Variants in ATXN7L1 observed in about 807,000 individuals in gnomAD.
ATXN7L1 encodes ataxin 7 like 1, also known as ataxin-7-like protein 1.
Under a neutral mutation model 70.8 loss-of-function variants are expected in ATXN7L1, and 15 were observed. That is an observed-to-expected ratio of 0.21 (90% CI 0.14 to 0.33). The LOEUF (loss-of-function observed/expected upper bound fraction) is 0.33, where lower values mean the gene tolerates loss of function less well. Among genes scored for constraint, ATXN7L1 ranks in the 10% least tolerant of loss-of-function variants. The pLI is 1.00. For missense variants in ATXN7L1, 975 were observed against 1,097.1 expected (o/e 0.89, Z 1.57); for synonymous variants, 440 against 445.1 (o/e 0.99, Z 0.14).
intron 3 of ATXN7L1, among the ~76,000 whole-genome samples, chr7:105,709,151 G>A (rs990243576): frequency 6.6e-6 from 1 of 152,150 alleles, no homozygotes; most frequent in African/African-American, 2.4e-5. Context: ...TGGCCAACAT[G>A]GTGAAACCTT....
chr7:105,698,988 T>C (rs2116228852), intron 3 of ATXN7L1, among the ~76,000 whole-genome samples: 1 of 152,268 alleles, frequency 6.6e-6, no homozygotes, highest in South Asian at 2.1e-4. Context: ...TGCATCAAAT[T>C]TGGTGTTTCT....
chr7:105,774,654 G>A (rs952445485), intron 3 of ATXN7L1, among the ~76,000 whole-genome samples: 10 of 151,894 alleles, frequency 6.6e-5, no homozygotes, highest in South Asian at 2.1e-4. Flanking sequence ...GCCCGGCCCC[G>A]CAGCCTTCTC....
chr7:105,619,519 TATATATATATA>T (rs1361008649), intron 9 of ATXN7L1, among the ~76,000 whole-genome samples: 58 of 16,990 alleles, frequency 3.4e-3, no homozygotes, highest in Middle Eastern at 0.059. Flanking sequence ...TATATATATA[TATATATATATA>T]TTTTTTTTTT....
rs1186629488 is a variant in ATXN7L1 at position 105,624,177 on chromosome 7, G to T, written c.1293C>A (p.Asp431Glu). Residue 431 changes from aspartate (D) to glutamate (E), a missense_variant, in exon 8 of 12, where the codon GAC becomes GAA. Asp to Glu is a conservative substitution (Grantham distance 45). Coordinates refer to ENST00000419735, the MANE Select transcript of ATXN7L1 (RefSeq NM_020725.2). ...PEPPLPPVGG[D>E]LASRLSSDEG... ...CATCACTGGACAGTCGGCTGGCGAG[G>T]TCACCTCCAACCGGTGGGAGTGGGG... 6.5e-7 allele frequency: 1 copy of T among 1,532,734 alleles called. No homozygotes were observed. The highest frequency in any genetic ancestry group is 8.8e-7 in the Non-Finnish European group (1 of 1,136,540). 94.9% of individuals were successfully genotyped at this position (1,532,734 alleles called of 1,614,324 possible).
chr7:105,850,634 A>C (rs1316655450), intron 2 of ATXN7L1, among the ~76,000 whole-genome samples: 2 of 152,242 alleles, frequency 1.3e-5, no homozygotes, highest in Non-Finnish European at 2.9e-5. Context: ...CTCCTGAAGA[A>C]CGAGCACAGA....
chr7:105,638,263 T>G (rs1584448551), intron 7 of ATXN7L1, 90 bp downstream of exon 7: 1 of 1,413,588 alleles, frequency 7.1e-7, no homozygotes, highest in East Asian at 2.5e-5. Context: ...TGATTTCCAT[T>G]TAACATATAA....
intron 2 of ATXN7L1, among the ~76,000 whole-genome samples, chr7:105,856,244 G>A (rs1435714092): frequency 6.6e-6 from 1 of 152,194 alleles, no homozygotes; most frequent in African/African-American, 2.4e-5. Context: ...TTTGGCAGAA[G>A]TCAACCAAAG....
chr7:105,685,937 C>T (rs958446997), intron 3 of ATXN7L1, among the ~76,000 whole-genome samples: 1 of 152,108 alleles, frequency 6.6e-6, no homozygotes, highest in African/African-American at 2.4e-5. Flanking sequence ...CACCTGTTGG[C>T]CTTTAGAATC....
At chr7:105,688,089 C>A (rs779318819) in intron 3 of ATXN7L1, among the ~76,000 whole-genome samples, 1 of 152,144 alleles carries the variant, frequency 6.6e-6, no homozygotes, top group Non-Finnish European at 1.5e-5. Flanking sequence ...TGATTTATAG[C>A]CTTGTTGTTG....
chr7:105,713,664 C>T (rs933183444), intron 3 of ATXN7L1, among the ~76,000 whole-genome samples: 1 of 152,268 alleles, frequency 6.6e-6, no homozygotes. Flanking sequence ...AAGGTTAGGA[C>T]TCCGCAGGTT....
At chr7:105,689,619 C>T (rs370023564) in intron 3 of ATXN7L1, among the ~76,000 whole-genome samples, 2 of 152,242 alleles carry the variant, frequency 1.3e-5, no homozygotes, top group East Asian at 3.9e-4. Flanking sequence ...GAAGGTGGGC[C>T]GAAAGTCCTC....
intron 5 of ATXN7L1, 123 bp from the exon 6 acceptor site, chr7:105,639,692 G>T (rs1797892457): frequency 1.4e-6 from 1 of 727,676 alleles, no homozygotes; most frequent in Non-Finnish European, 2.2e-6. Context: ...CAGGCAATCT[G>T]TTTTTTGTTT....
intron 3 of ATXN7L1, among the ~76,000 whole-genome samples, chr7:105,755,244 C>T (rs1309097782): frequency 6.6e-6 from 1 of 152,010 alleles, no homozygotes; most frequent in East Asian, 1.9e-4. Context: ...GAAATGATAC[C>T]CCAGCTGGAG....
intron 3 of ATXN7L1, among the ~76,000 whole-genome samples, chr7:105,787,754 C>T (rs559527322): frequency 1.2e-4 from 18 of 152,204 alleles, no homozygotes; most frequent in Middle Eastern, 3.4e-3. Flanking sequence ...GAATGTACTT[C>T]GAAACCTTAA....
At chr7:105,758,897 C>T (rs539114562) in intron 3 of ATXN7L1, among the ~76,000 whole-genome samples, 4 of 152,090 alleles carry the variant, frequency 2.6e-5, no homozygotes, top group South Asian at 2.1e-4. Flanking sequence ...TTGGGAGGTA[C>T]GGGGAAGAGA....
chr7:105,862,057 AG>A (rs1457146841), intron 2 of ATXN7L1, among the ~76,000 whole-genome samples: 1 of 152,188 alleles, frequency 6.6e-6, no homozygotes, highest in African/African-American at 2.4e-5. Flanking sequence ...GAGTAACTCA[AG>A]GGAACAGAAG....
intron 3 of ATXN7L1, chr7:105,761,323 T>C (rs1296734171): frequency 6.2e-7 from 1 of 1,612,206 alleles, no homozygotes; most frequent in Non-Finnish European, 8.5e-7. Context: ...CTCCAGACAA[T>C]GCCAGTCCTC....
chr7:105,606,453 G>C lies in ATXN7L1; in HGVS notation c.*1399C>G, dbSNP rs931153250. 1.3e-5 allele frequency: 2 copies of C among 152,196 alleles called. No individual in the cohort carries two copies. Among genetic ancestry groups the C allele is most frequent in the African/African-American group, 4.8e-5 (2 of 41,440 alleles). 9.4% of individuals were successfully genotyped at this position (152,196 alleles called of 1,614,324 possible). A position where few individuals can be genotyped will look rare whatever the true frequency, so the allele number is the denominator to read the frequency against. On this transcript the variant is annotated 3_prime_UTR_variant, in exon 12 of 12. Transcript: ENST00000419735. ...AACTAGCATTCATTTCTGATTTAAGGATGAAACAAAACCTCCCAGTATCTT... is the reference window on the plus strand; with the variant it reads ...AACTAGCATTCATTTCTGATTTAAGCATGAAACAAAACCTCCCAGTATCTT...
chr7:105,752,163 G>T (rs1339119363), intron 3 of ATXN7L1, among the ~76,000 whole-genome samples: 1 of 152,164 alleles, frequency 6.6e-6, no homozygotes, highest in Non-Finnish European at 1.5e-5. Context: ...GAATTCACAG[G>T]CCTTAACTGG....
Sources: allele counts gnomAD v4.1 joint callset (sites outside exome capture counted in the v4.1 genomes callset), GRCh38; gene constraint gnomAD v4.1.1; transcripts MANE v1.5; gene names NCBI Gene and HGNC (gene_info 2026-07-23, HGNC 2026-07-21).